LARP1B: variants seen among roughly 807,000 people sequenced by gnomAD.
LARP1B encodes la-related protein 1B.
In LARP1B, 76 loss-of-function variants were observed where a neutral mutation model predicts 114.2. That is an observed-to-expected ratio of 0.67 (90% CI 0.55 to 0.81). LARP1B has a LOEUF of 0.81. Ranked by LOEUF, LARP1B falls within the 30% of genes least tolerant of loss-of-function variation. The pLI is 0.00. For synonymous variants in LARP1B, 345 were observed against 348.0 expected (o/e 0.99, Z 0.10); for missense variants, 1,014 against 1,075.8 (o/e 0.94, Z 0.80).
intron 12 of LARP1B, among the ~76,000 whole-genome samples, chr4:128,164,083 T>C (rs1344247208): frequency 6.6e-6 from 1 of 152,098 alleles, no homozygotes; most frequent in Non-Finnish European, 1.5e-5. Flanking sequence ...TTTCTTTGAT[T>C]TTGTAGTTGT....
intron 11 of LARP1B, chr4:128,122,709 A>C: frequency 7.7e-7 from 1 of 1,294,760 alleles, no homozygotes; most frequent in South Asian, 2.8e-5. Flanking sequence ...ACTAAACTGG[A>C]TGATTATCTC....
chr4:128,149,895 G>A (rs1054760967), intron 11 of LARP1B, among the ~76,000 whole-genome samples: 10 of 152,196 alleles, frequency 6.6e-5, no homozygotes, highest in African/African-American at 2.4e-4. Flanking sequence ...GCTCACGCCT[G>A]TAATCCCAGC....
chr4:128,070,123 C>G (rs1411466005), intron 1 of LARP1B, among the ~76,000 whole-genome samples: 5 of 151,770 alleles, frequency 3.3e-5, no homozygotes, highest in African/African-American at 1.2e-4. Flanking sequence ...TCGAGACCAT[C>G]CTGTCTAACA....
At chr4:128,090,847 T>C (rs931416327) in intron 5 of LARP1B, among the ~76,000 whole-genome samples, 154 bp from the exon 6 acceptor site, 3 of 152,226 alleles carry the variant, frequency 2.0e-5, no homozygotes, top group Non-Finnish European at 2.9e-5. Flanking sequence ...TAAATTCTTA[T>C]TGGATCTCTT....
rs1262298931 is a variant in LARP1B, at chr4:128,074,486, G to A, written c.-51G>A. On this transcript the variant is annotated 5_prime_UTR_variant, in exon 2 of 20. Transcript: ENST00000326639. The stretch of plus-strand genomic sequence containing the variant: ...ATTCGGTTCCCTCAAAATTATAAAG[G>A]CAGGAAAGCTCAAGACAAAGAAATC... 2 of 919,822 alleles carry A rather than the reference G, an allele frequency of 2.2e-6. No individual in the cohort carries two copies. The highest frequency in any genetic ancestry group is 1.3e-6 in the Non-Finnish European group (1 of 769,928). 57.0% of individuals were successfully genotyped at this position (919,822 alleles called of 1,614,324 possible). A position where few individuals can be genotyped will look rare whatever the true frequency, so the allele number is the denominator to read the frequency against.
At chr4:128,078,633 T>C (rs1161421746) in intron 4 of LARP1B, among the ~76,000 whole-genome samples, 1 of 151,936 alleles carries the variant, frequency 6.6e-6, no homozygotes, top group Non-Finnish European at 1.5e-5. Flanking sequence ...TTTTAGTCAA[T>C]CTTTTCCCTC....
chr4:128,130,819 A>G (rs562696368), intron 11 of LARP1B, among the ~76,000 whole-genome samples: 1 of 152,230 alleles, frequency 6.6e-6, no homozygotes, highest in East Asian at 1.9e-4. Context: ...GCTGTGGTAC[A>G]TTCAGACAAT....
intron 15 of LARP1B, among the ~76,000 whole-genome samples, chr4:128,188,195 C>T (rs1750983463): frequency 6.6e-6 from 1 of 152,128 alleles, no homozygotes; most frequent in African/African-American, 2.4e-5. Context: ...CTGCTTCAGC[C>T]TCCTGAGTAG....
At chr4:128,205,013 G>A (rs1489360539) in intron 17 of LARP1B, among the ~76,000 whole-genome samples, 2 of 152,196 alleles carry the variant, frequency 1.3e-5, no homozygotes, top group Admixed American at 1.3e-4. Flanking sequence ...ATCAAAGCAA[G>A]TTTGTCATTC....
chr4:128,113,975 A>C (rs891932961), intron 9 of LARP1B, among the ~76,000 whole-genome samples: 2 of 151,982 alleles, frequency 1.3e-5, no homozygotes, highest in African/African-American at 4.8e-5. Context: ...TAGTAGAGAT[A>C]GGGTTTCTCC....
Position 128,210,139 on chromosome 4 carries a change from C to T in LARP1B, c.*86C>T, listed in dbSNP as rs1195655645. ...TATGAAAGTTCTTTGTCCTTGAAGTCAACATTTACATCAGTATTTATTTGG... is the reference window on the plus strand; with the variant it reads ...TATGAAAGTTCTTTGTCCTTGAAGTTAACATTTACATCAGTATTTATTTGG... On this transcript the variant is annotated 3_prime_UTR_variant, in exon 20 of 20. Coordinates refer to ENST00000326639, the MANE Select transcript of LARP1B (RefSeq NM_018078.4). 3 of 1,587,930 alleles carry T rather than the reference C, an allele frequency of 1.9e-6. No individual in the cohort carries two copies. Among genetic ancestry groups the T allele is most frequent in the Non-Finnish European group, 2.6e-6 (3 of 1,164,848 alleles).
At chr4:128,075,948 G>A (rs1179131337) in intron 3 of LARP1B, among the ~76,000 whole-genome samples, 1 of 152,212 alleles carries the variant, frequency 6.6e-6, no homozygotes, top group East Asian at 1.9e-4. Context: ...AAACGTGGCA[G>A]CTATCCTTTT....
At chr4:128,176,165 ATATATT>A (rs1456367991) in intron 12 of LARP1B, among the ~76,000 whole-genome samples, 9 of 134,324 alleles carry the variant, frequency 6.7e-5, no homozygotes, top group Non-Finnish European at 1.6e-5. Context: ...ATATAAATAT[ATATATT>A]ATATATAAAT....
At chr4:128,146,685 G>T (rs749406196) in intron 11 of LARP1B, among the ~76,000 whole-genome samples, 1 of 152,112 alleles carries the variant, frequency 6.6e-6, no homozygotes, top group Admixed American at 6.5e-5. Flanking sequence ...CAGGATATTG[G>T]CAGTGTCCTA....
At chr4:128,073,529 A>T (rs1766334657) in intron 1 of LARP1B, among the ~76,000 whole-genome samples, 1 of 148,298 alleles carries the variant, frequency 6.7e-6, no homozygotes, top group Non-Finnish European at 1.5e-5. Flanking sequence ...GTCTCAAAAA[A>T]AAAAAAGTTG....
At chr4:128,066,402 T>C (rs1762879051) in intron 1 of LARP1B, among the ~76,000 whole-genome samples, 1 of 151,630 alleles carries the variant, frequency 6.6e-6, no homozygotes, top group Non-Finnish European at 1.5e-5. Context: ...ATGGTCTCGA[T>C]CTGCTGACCT....
chr4:128,071,753 T>TA (rs1765464732), intron 1 of LARP1B, among the ~76,000 whole-genome samples: 13 of 147,726 alleles, frequency 8.8e-5, no homozygotes, highest in African/African-American at 2.7e-4. Context: ...CACTAATTTT[T>TA]ACCACATTTT....
chr4:128,185,192 C>T lies in LARP1B; in HGVS notation c.2003+5680C>T, dbSNP rs147774945. On this transcript the variant is annotated intron_variant, in intron 15 of 19. Transcript: ENST00000326639. ...ATTTCCTCTATTTTGGATATATATCCAGCAGGGAGATTTCTGGATCATATG... is the reference window on the plus strand; with the variant it reads ...ATTTCCTCTATTTTGGATATATATCTAGCAGGGAGATTTCTGGATCATATG... 1.7e-4 allele frequency among the ~76,000 whole-genome samples: 26 copies of T among 152,152 alleles called. No individual in the cohort carries two copies. In the East Asian group the frequency reaches 5.0e-3, roughly 29 times the overall value.
chr4:128,092,904 C>G (rs1214281770), intron 7 of LARP1B: 1 of 985,324 alleles, frequency 1.0e-6, no homozygotes, highest in Non-Finnish European at 1.2e-6. Context: ...TGAGACCTGA[C>G]AGTGGACATG....
Sources: gnomAD v4.1 joint callset for allele counts (sites outside exome capture counted in the v4.1 genomes callset) on GRCh38, gnomAD v4.1.1 for gene constraint, MANE v1.5 for transcripts, NCBI Gene and HGNC (gene_info 2026-07-23, HGNC 2026-07-21) for gene names.